TMEM132D: variants seen among roughly 807,000 people sequenced by gnomAD.
The protein encoded by TMEM132D is mature OL transmembrane protein.
A neutral mutation model predicts 62.3 loss-of-function variants in TMEM132D; 21 were observed. That is an observed-to-expected ratio of 0.34 (90% CI 0.24 to 0.49). The LOEUF (loss-of-function observed/expected upper bound fraction) is 0.49. TMEM132D is among the 20% of genes least tolerant of loss of function. The pLI is 0.99. For missense variants in TMEM132D, 1,346 were observed against 1,402.8 expected (o/e 0.96, Z 0.65); for synonymous variants, 621 against 575.6 (o/e 1.08, Z -1.13).
chr12:129,700,000 A>G lies in TMEM132D; in HGVS notation c.778T>C (p.Ser260Pro), dbSNP rs1881339315. The G allele has an allele frequency of 6.2e-7, 1 of 1,613,834 alleles. No individual in the cohort carries two copies. Among genetic ancestry groups the G allele is most frequent in the Non-Finnish European group, 8.5e-7 (1 of 1,179,984 alleles). Residue 260 changes from serine (S) to proline (P), a missense_variant, in exon 2 of 9, where the codon TCC becomes CCC. Ser to Pro is a moderately conservative substitution (Grantham distance 74). Coordinates refer to ENST00000422113, the MANE Select transcript of TMEM132D (RefSeq NM_133448.3). ...CCGATCCTCTGCAAGGGGGGCCCGG[A>G]CTCATCGATGTCACTGTGGCCTGTC... ...IRTGHSDIDE[S>P]GPPLQRIGSI...
At chr12:129,658,158 C>A (rs547085100) in intron 2 of TMEM132D, among the ~76,000 whole-genome samples, 3 of 152,042 alleles carry the variant, frequency 2.0e-5, no homozygotes, top group Non-Finnish European at 4.4e-5. Flanking sequence ...AAAAACTATG[C>A]GAAGACAATA....
chr12:129,322,644 G>T (rs897668500), intron 4 of TMEM132D, among the ~76,000 whole-genome samples: 2 of 151,972 alleles, frequency 1.3e-5, no homozygotes, highest in African/African-American at 4.8e-5. Context: ...ATGGGTTCTA[G>T]GTTCCATCAT....
chr12:129,091,346 A>C (rs1284491380), intron 5 of TMEM132D, among the ~76,000 whole-genome samples: 2 of 147,116 alleles, frequency 1.4e-5, no homozygotes, highest in African/African-American at 5.0e-5. Context: ...ACCTATCCTC[A>C]CCTGGGCTCT....
At chr12:129,807,424 C>T (rs1437550074) in intron 1 of TMEM132D, among the ~76,000 whole-genome samples, 2 of 152,174 alleles carry the variant, frequency 1.3e-5, no homozygotes, top group African/African-American at 4.8e-5. Context: ...CTAAAGTTCA[C>T]AGGTGGGCAG....
chr12:129,639,531 T>C (rs1382059253), intron 2 of TMEM132D, among the ~76,000 whole-genome samples: 1 of 152,068 alleles, frequency 6.6e-6, no homozygotes, highest in Non-Finnish European at 1.5e-5. Context: ...ACCTGTTCTG[T>C]CCAGCTAAGT....
chr12:129,871,658 C>T (rs1874246818), intron 1 of TMEM132D, among the ~76,000 whole-genome samples: 3 of 152,122 alleles, frequency 2.0e-5, no homozygotes, highest in Admixed American at 2.0e-4. Context: ...TACTGGCTTG[C>T]AAAAGCCAAC....
rs75344269 is a variant in TMEM132D, at chr12:129,881,384, G to A, written c.79+21877C>T. Among the ~76,000 whole-genome samples the A allele has an allele frequency of 7.8e-3, 1,187 of 151,912 alleles. 19 individuals are homozygous for A. The highest frequency in any genetic ancestry group is 0.027 in the African/African-American group (1,125 of 41,464). ...CATTTACAGAGCACTCCTCACAACA[G>A]CACAAAATAACATTCTATTCAAGAG... On this transcript the variant is annotated intron_variant, in intron 1 of 8. Coordinates refer to ENST00000422113, the MANE Select transcript of TMEM132D (RefSeq NM_133448.3).
chr12:129,584,638 C>G (rs1877971480), intron 2 of TMEM132D, among the ~76,000 whole-genome samples: 1 of 152,170 alleles, frequency 6.6e-6, no homozygotes, highest in Non-Finnish European at 1.5e-5. Flanking sequence ...CTTAGCTGGC[C>G]CATTGCTCTA....
Position 129,489,207 on chromosome 12 carries a change from C to T in TMEM132D, c.1115+41852G>A, listed in dbSNP as rs369133634. 2.8e-4 allele frequency among the ~76,000 whole-genome samples: 42 copies of T among 152,282 alleles called. 2 individuals carry two copies. In the East Asian group the frequency reaches 3.1e-3, roughly 11 times the overall value. ...TAAGTAAGGGATAAGGCAAATTGGT[C>T]TTCTTGAATGACTCTTTTTTCTCTG... is the stretch of plus-strand genomic sequence containing the variant. On this transcript the variant is annotated intron_variant, in intron 3 of 8. Coordinates refer to ENST00000422113, the MANE Select transcript of TMEM132D (RefSeq NM_133448.3).
chr12:129,836,717 C>G (rs776847171), intron 1 of TMEM132D, among the ~76,000 whole-genome samples: 1 of 151,800 alleles, frequency 6.6e-6, no homozygotes, highest in Non-Finnish European at 1.5e-5. Flanking sequence ...TAAAAAGGGC[C>G]CCCAAAACCA....
At chr12:129,817,083 G>A (rs1484084222) in intron 1 of TMEM132D, among the ~76,000 whole-genome samples, 1 of 152,204 alleles carries the variant, frequency 6.6e-6, no homozygotes, top group African/African-American at 2.4e-5. Context: ...GACTGCAAAA[G>A]AATGGTGAAA....
At chr12:129,533,420 T>C (rs1409994098) in intron 2 of TMEM132D, among the ~76,000 whole-genome samples, 2 of 152,228 alleles carry the variant, frequency 1.3e-5, no homozygotes, top group African/African-American at 4.8e-5. Flanking sequence ...TATACTAAGA[T>C]GAATTCTAAA....
intron 1 of TMEM132D, among the ~76,000 whole-genome samples, chr12:129,834,705 C>T (rs973376554): frequency 2.6e-5 from 4 of 152,232 alleles, no homozygotes; most frequent in African/African-American, 7.2e-5. Context: ...ACAGTGCAGA[C>T]CCACAAATGG....
At chr12:129,343,776 A>C (rs1006908798) in intron 3 of TMEM132D, among the ~76,000 whole-genome samples, 12 of 151,682 alleles carry the variant, frequency 7.9e-5, no homozygotes, top group Non-Finnish European at 1.0e-4. Context: ...AAAAACAAAA[A>C]AAAAAAACAA....
At chr12:129,485,680 A>C (rs368834231) in intron 3 of TMEM132D, among the ~76,000 whole-genome samples, 2 of 152,188 alleles carry the variant, frequency 1.3e-5, no homozygotes, top group South Asian at 2.1e-4. Flanking sequence ...AGACCTCTCC[A>C]CAGGAACATG....
At chr12:129,255,673 C>A (rs1260542921) in intron 4 of TMEM132D, among the ~76,000 whole-genome samples, 1 of 152,158 alleles carries the variant, frequency 6.6e-6, no homozygotes, top group African/African-American at 2.4e-5. Context: ...TCACCTGTCC[C>A]TCACTCCACC....
At chr12:129,537,923 A>G (rs1876448251) in intron 2 of TMEM132D, among the ~76,000 whole-genome samples, 1 of 85,248 alleles carries the variant, frequency 1.2e-5, no homozygotes, top group Middle Eastern at 5.0e-3. Flanking sequence ...AGCACAAAAT[A>G]CACTAACGTT....
intron 1 of TMEM132D, among the ~76,000 whole-genome samples, chr12:129,899,619 G>A (rs1193735426): frequency 6.6e-6 from 1 of 152,174 alleles, no homozygotes; most frequent in Non-Finnish European, 1.5e-5. Flanking sequence ...TAAATATTGT[G>A]TAGCATAGCT....
At chr12:129,887,374 A>G (rs1381713386) in intron 1 of TMEM132D, among the ~76,000 whole-genome samples, 1 of 152,212 alleles carries the variant, frequency 6.6e-6, no homozygotes, top group African/African-American at 2.4e-5. Flanking sequence ...TTGACAAGAC[A>G]TTCACAGTGC....
Sources: allele counts gnomAD v4.1 joint callset (sites outside exome capture counted in the v4.1 genomes callset), GRCh38; gene constraint gnomAD v4.1.1; transcripts MANE v1.5; gene names NCBI Gene and HGNC (gene_info 2026-07-23, HGNC 2026-07-21).